The following UNC13C variants were observed in gnomAD, a reference collection of about 807,000 sequenced individuals.
UNC13C encodes unc-13 homolog C, also known as protein unc-13 homolog C.
UNC13C carries 174 observed loss-of-function variants against 245.4 expected under a neutral mutation model. That is an observed-to-expected ratio of 0.71 (90% CI 0.63 to 0.80). UNC13C has a LOEUF of 0.80. Among genes scored for constraint, UNC13C ranks in the 30% least tolerant of loss-of-function variants. The pLI, the probability that UNC13C is intolerant of heterozygous loss-of-function variation, is 0.00. For missense variants in UNC13C, 2,829 were observed against 2,602.9 expected (o/e 1.09, Z -1.89); for synonymous variants, 992 against 895.1 (o/e 1.11, Z -1.93).
At position 54,013,707 on chromosome 15, in the gene UNC13C, T is replaced by A; in HGVS notation, c.804T>A (p.Asn268Lys). 6.2e-7 allele frequency: 1 copy of A among 1,613,590 alleles called. No homozygotes were observed. The highest frequency in any genetic ancestry group is 8.5e-7 in the Non-Finnish European group (1 of 1,179,758). The part of the protein sequence containing the change: ...TELSELRGHV[N>K]ALKHSIDEIS... ...TTTCTGAACTACGAGGGCACGTCAA[T>A]GCTCTCAAGCACTCCATCGATGAGA... is the stretch of plus-strand genomic sequence containing the variant. Residue 268 changes from asparagine to lysine, a missense_variant, in exon 2 of 33, where the codon AAT becomes AAA. Transcript: ENST00000260323.
chr15:54,567,314 C>G (rs1281181830), intron 29 of UNC13C, among the ~76,000 whole-genome samples: 1 of 152,136 alleles, frequency 6.6e-6, no homozygotes, highest in African/African-American at 2.4e-5. Context: ...ATCTGCACCA[C>G]TGTGTGATTA....
intron 30 of UNC13C, among the ~76,000 whole-genome samples, chr15:54,574,094 T>G (rs1163324853): frequency 6.6e-6 from 1 of 152,208 alleles, no homozygotes; most frequent in East Asian, 1.9e-4. Context: ...CATAATTTTT[T>G]TTAAAACAAA....
chr15:54,114,022 CCACCTGAACATACAGCTCTGCCT>C (rs1199422468), intron 2 of UNC13C, among the ~76,000 whole-genome samples: 4 of 152,170 alleles, frequency 2.6e-5, no homozygotes, highest in Non-Finnish European at 5.9e-5. Context: ...TCAGGGTCTT[CCACCTGAACATACAGCTCTGCCT>C]CACCAGTGTG....
chr15:54,603,367 C>G (rs1363751456), intron 30 of UNC13C, among the ~76,000 whole-genome samples: 1 of 152,218 alleles, frequency 6.6e-6, no homozygotes, highest in African/African-American at 2.4e-5. Context: ...AATCACTTTA[C>G]TGGCAGCTTT....
At chr15:54,133,145 A>G (rs2031530566) in intron 2 of UNC13C, among the ~76,000 whole-genome samples, 1 of 152,190 alleles carries the variant, frequency 6.6e-6, no homozygotes, top group South Asian at 2.1e-4. Flanking sequence ...AAAAGATATC[A>G]TAGAATTTAG....
At chr15:53,843,969 A>G in the UNC13C span, among the ~76,000 whole-genome samples, 1 of 152,212 alleles carries the variant, frequency 6.6e-6, no homozygotes, top group Non-Finnish European at 1.5e-5. Context: ...CGGAGTTTAA[A>G]ATCTTTTCAG....
intron 2 of UNC13C, among the ~76,000 whole-genome samples, chr15:54,109,784 G>T (rs1005133155): frequency 6.6e-6 from 1 of 152,090 alleles, no homozygotes; most frequent in Non-Finnish European, 1.5e-5. Flanking sequence ...ATTGTGAGTT[G>T]CTGGGGTAGG....
intron 11 of UNC13C, 76 bp downstream of exon 11, chr15:54,294,140 A>G: frequency 7.9e-7 from 1 of 1,264,094 alleles, no homozygotes; most frequent in Non-Finnish European, 1.0e-6. Flanking sequence ...TTACATTCCC[A>G]TATAAGTAAA....
At chr15:53,957,616 T>C in the UNC13C span, among the ~76,000 whole-genome samples, 2 of 152,218 alleles carry the variant, frequency 1.3e-5, no homozygotes, top group Non-Finnish European at 2.9e-5. Flanking sequence ...CTCCCTTATC[T>C]ACCCTAAGCA....
intron 2 of UNC13C, among the ~76,000 whole-genome samples, chr15:54,087,003 G>A (rs1279660619): frequency 6.6e-6 from 1 of 151,578 alleles, no homozygotes; most frequent in Non-Finnish European, 1.5e-5. Flanking sequence ...CAAAGTGCTG[G>A]GATTACAGAC....
chr15:54,416,328 G>A (rs1026126917), intron 19 of UNC13C, among the ~76,000 whole-genome samples: 2 of 152,056 alleles, frequency 1.3e-5, no homozygotes, highest in Non-Finnish European at 2.9e-5. Flanking sequence ...AGGTTGCAGA[G>A]GGAACATTCA....
intron 30 of UNC13C, among the ~76,000 whole-genome samples, chr15:54,614,709 G>A (rs1021263145): frequency 6.6e-6 from 1 of 151,796 alleles, no homozygotes; most frequent in African/African-American, 2.4e-5. Context: ...AAAAATACAG[G>A]GCTGCCAGAA....
chr15:53,859,631 T>TACACAC, the UNC13C span, among the ~76,000 whole-genome samples: 5 of 151,444 alleles, frequency 3.3e-5, no homozygotes, highest in African/African-American at 9.7e-5. Context: ...AGTACAGGCA[T>TACACAC]ACACACACAC....
chr15:54,142,120 A>T (rs529974995), intron 2 of UNC13C, among the ~76,000 whole-genome samples: 1 of 152,322 alleles, frequency 6.6e-6, no homozygotes, highest in South Asian at 2.1e-4. Context: ...TCAGAGCAAT[A>T]GTACTGTGTA....
intron 17 of UNC13C, among the ~76,000 whole-genome samples, chr15:54,341,966 A>T (rs1289329958): frequency 1.6e-5 from 2 of 126,974 alleles, no homozygotes; most frequent in Admixed American, 8.9e-5. Context: ...ACAGAGCGAG[A>T]CTCTGTCTCA....
At chr15:54,177,921 CTCTT>C (rs1018069319) in intron 4 of UNC13C, among the ~76,000 whole-genome samples, 6 of 152,046 alleles carry the variant, frequency 3.9e-5, no homozygotes, top group African/African-American at 9.6e-5. Context: ...TTTTTTCTCT[CTCTT>C]TCTATTGCCT....
rs775973984 is a variant in UNC13C, at chr15:54,013,957, C to T, written c.1054C>T (p.Pro352Ser). ...LIDKMGFSDA[P>S]NAIKIEFAQR... Reference sequence around the variant, plus strand: ...AGATAAAATGGGTTTTTCAGATGCACCAAATGCTATTAAAATTGAATTTGC... The same window carrying T: ...AGATAAAATGGGTTTTTCAGATGCATCAAATGCTATTAAAATTGAATTTGC... The change falls in exon 2 of 33, where the codon CCA becomes TCA. Residue 352 changes from proline (P) to serine (S), a missense_variant. By Grantham distance (74) the Pro-to-Ser change is moderately conservative. Coordinates refer to ENST00000260323, the MANE Select transcript of UNC13C (RefSeq NM_001080534.3). 8.7e-6 allele frequency: 14 copies of T among 1,613,494 alleles called. No individual in the cohort carries two copies. In the South Asian group the frequency reaches 1.3e-4, roughly 15 times the overall value.
At chr15:54,607,718 A>G (rs968787055) in intron 30 of UNC13C, among the ~76,000 whole-genome samples, 1 of 152,134 alleles carries the variant, frequency 6.6e-6, no homozygotes, top group Non-Finnish European at 1.5e-5. Context: ...AAGCAAGAGC[A>G]TCTTTCCATG....
intron 10 of UNC13C, among the ~76,000 whole-genome samples, chr15:54,288,618 A>G (rs74015124): frequency 0.018 from 2,704 of 152,122 alleles, 85 homozygotes; most frequent in African/African-American, 0.063. Flanking sequence ...GGAGGTTGGG[A>G]AATTGCATAA....
Sources: gnomAD v4.1 joint callset for allele counts (sites outside exome capture counted in the v4.1 genomes callset) on GRCh38, gnomAD v4.1.1 for gene constraint, MANE v1.5 for transcripts, NCBI Gene and HGNC (gene_info 2026-07-23, HGNC 2026-07-21) for gene names.